The following MYO9B variants were observed in gnomAD, a reference collection of about 807,000 sequenced individuals.
MYO9B encodes unconventional myosin-IXb.
Under a neutral mutation model 229.5 loss-of-function variants are expected in MYO9B, and 71 were observed. The ratio of observed to expected loss-of-function variants is 0.31; its 90% CI spans 0.26 to 0.38. The LOEUF is 0.38. MYO9B is among the 10% of genes least tolerant of loss of function. The probability of loss-of-function intolerance (pLI) is 1.00; values close to 1 mark genes in which losing one functional copy is unlikely to be tolerated. For missense variants in MYO9B, 2,255 were observed against 2,920.5 expected, an observed-to-expected ratio of 0.77 and a Z score of 5.25; for synonymous variants, 1,185 against 1,235.8, an observed-to-expected ratio of 0.96 and a Z score of 0.86.
At chr19:17,088,953 C>T (rs1283699015) in intron 1 of MYO9B, among the ~76,000 whole-genome samples, 1 of 152,100 alleles carries the variant, frequency 6.6e-6, no homozygotes, top group Non-Finnish European at 1.5e-5. Context: ...GCTAGGATTA[C>T]AGGAATAAGC....
rs770530355 is a variant in MYO9B, at chr19:17,101,771, C to T, written c.54C>T (p.His18=). The T allele has an allele frequency of 1.2e-6, 2 of 1,601,054 alleles. No homozygotes were observed. The highest frequency in any genetic ancestry group is 8.5e-7 in the Non-Finnish European group (1 of 1,177,726). The change falls in exon 2 of 40, where the codon CAC becomes CAT. Residue 18 remains histidine, a synonymous_variant. Coordinates refer to ENST00000682292, the MANE Select transcript of MYO9B (RefSeq NM_004145.4). This position sits in a 1 kb window ranked among gnomAD's most constrained non-coding sequence, Gnocchi z 4.7. ...SSGRREQAAY[H]LHIYPQLSTT... ...GCCGCCGGGAGCAGGCGGCCTACCA[C>T]CTGCACATCTACCCCCAGCTGTCCA...
chr19:17,176,178 C>T (rs893285435), intron 14 of MYO9B, among the ~76,000 whole-genome samples: 6 of 152,088 alleles, frequency 3.9e-5, no homozygotes, highest in Non-Finnish European at 8.8e-5. Flanking sequence ...TACAGGCACC[C>T]GCCACCACAC....
intron 16 of MYO9B, chr19:17,184,534 T>C (rs1438756147): frequency 7.8e-6 from 2 of 256,006 alleles, no homozygotes; most frequent in Non-Finnish European, 1.5e-5. Flanking sequence ...TAATGTAAAC[T>C]GTAGGAGCTA....
chr19:17,194,638 G>A lies in MYO9B; in HGVS notation c.3211G>A (p.Glu1071Lys), dbSNP rs759008663. The A allele has an allele frequency of 5.0e-6, 8 of 1,612,802 alleles. No homozygotes were observed. In the South Asian group the frequency reaches 7.7e-5, roughly 15 times the overall value. The change falls in exon 22 of 40, where the codon GAG (glutamate) becomes AAG (lysine). Residue 1071 changes from glutamate to lysine, a missense_variant. Coordinates refer to ENST00000682292, the MANE Select transcript of MYO9B (RefSeq NM_004145.4). ...GGAAGCCGCAAGAGCAGGTGCTGAGGAGGGCGGACAGGGTCAGGCGGCTGG... is the reference window on the plus strand; with the variant it reads ...GGAAGCCGCAAGAGCAGGTGCTGAGAAGGGCGGACAGGGTCAGGCGGCTGG... ...ALEAARAGAE[E>K]GGQGQAAGGQ...
At chr19:17,181,245 T>C (rs2072857372) in intron 15 of MYO9B, among the ~76,000 whole-genome samples, 1 of 152,218 alleles carries the variant, frequency 6.6e-6, no homozygotes, top group African/African-American at 2.4e-5. Context: ...CACAGCCGGC[T>C]TCCCAGCACA....
chr19:17,202,040 G>A lies in MYO9B; in HGVS notation c.4662+16G>A, dbSNP rs1175438788. 2 of 1,611,480 alleles carry A rather than the reference G, an allele frequency of 1.2e-6. No individual in the cohort carries two copies. The highest frequency in any genetic ancestry group is 2.2e-5 in the South Asian group (2 of 90,726). Reference sequence around the variant, plus strand: ...CTCTGTCCCGGTATGTGGCGGCCCGGCCTTCAGCCTTTCCCATACCCTGCT... The same window carrying A: ...CTCTGTCCCGGTATGTGGCGGCCCGACCTTCAGCCTTTCCCATACCCTGCT... On this transcript the variant is annotated intron_variant, in intron 27 of 39. Transcript: ENST00000682292.
chr19:17,107,980 C>T (rs1599330018), intron 2 of MYO9B, among the ~76,000 whole-genome samples: 1 of 152,334 alleles, frequency 6.6e-6, no homozygotes, highest in East Asian at 1.9e-4. Context: ...CTACCTGGCC[C>T]CTGGCAAGTC....
chr19:17,101,776 A>T lies in MYO9B; in HGVS notation c.59A>T (p.His20Leu). Reference protein sequence around the residue: ...GRREQAAYHLHIYPQLSTTES... With the variant: ...GRREQAAYHLLIYPQLSTTES... ...CGGGAGCAGGCGGCCTACCACCTGC[A>T]CATCTACCCCCAGCTGTCCACCACC... Residue 20 changes from histidine (H) to leucine (L), a missense_variant, in exon 2 of 40, where the codon CAC becomes CTC. Physicochemically the swap from His to Leu is moderately conservative, Grantham distance 99. Transcript: ENST00000682292. The surrounding 1 kb of genome is among the most constrained non-coding windows in gnomAD (Gnocchi z 4.7). The T allele has an allele frequency of 1.2e-6, 2 of 1,602,130 alleles. No homozygotes were observed. The highest frequency in any genetic ancestry group is 8.5e-7 in the Non-Finnish European group (1 of 1,178,062).
At chr19:17,118,036 A>T (rs2057923614) in intron 2 of MYO9B, among the ~76,000 whole-genome samples, 1 of 151,326 alleles carries the variant, frequency 6.6e-6, no homozygotes, top group South Asian at 2.1e-4. Flanking sequence ...CCATCGGTTG[A>T]TGTTTGGCAA....
chr19:17,118,253 C>G (rs1599341040), intron 2 of MYO9B, among the ~76,000 whole-genome samples: 2 of 151,854 alleles, frequency 1.3e-5, no homozygotes, highest in African/African-American at 4.8e-5. Flanking sequence ...AATTGAAAAT[C>G]TGGTCTGGCG....
intron 14 of MYO9B, among the ~76,000 whole-genome samples, chr19:17,176,628 C>T (rs1405986023): frequency 6.6e-6 from 1 of 152,120 alleles, no homozygotes; most frequent in African/African-American, 2.4e-5. Flanking sequence ...GGAGGAGGCT[C>T]AGTTTACAAA....
At chr19:17,141,169 C>T (rs1377047498) in intron 2 of MYO9B, among the ~76,000 whole-genome samples, 1 of 151,992 alleles carries the variant, frequency 6.6e-6, no homozygotes, top group Non-Finnish European at 1.5e-5. Context: ...GTATCCATCC[C>T]CCTGTGGAAT....
At chr19:17,105,572 A>G (rs902478223) in intron 2 of MYO9B, among the ~76,000 whole-genome samples, 5 of 152,120 alleles carry the variant, frequency 3.3e-5, no homozygotes, top group Non-Finnish European at 7.4e-5. Context: ...ATTGTAGCTC[A>G]TTATATGAAT....
intron 1 of MYO9B, among the ~76,000 whole-genome samples, chr19:17,100,525 A>G (rs1032224217): frequency 2.0e-5 from 3 of 152,188 alleles, no homozygotes; most frequent in South Asian, 2.1e-4. Context: ...ACTGCTACTT[A>G]CCACCTTCCT....
intron 2 of MYO9B, among the ~76,000 whole-genome samples, chr19:17,130,479 G>A (rs568168439): frequency 6.6e-6 from 1 of 152,272 alleles, no homozygotes; most frequent in East Asian, 1.9e-4. Context: ...AATTAGCCGG[G>A]CGTGGTGGTG....
Position 17,193,162 on chromosome 19 carries a change from AGG to A in MYO9B, c.3128+103_3128+104del, listed in dbSNP as rs1176027318. ...ATATACCATCTGGCCTGTGGCACTA[AGG>A]GGATGTCATTCTGGACACAGGGAAA... On this transcript the variant is annotated intron_variant, in intron 21 of 39. Transcript: ENST00000682292. This position sits in a 1 kb window ranked among gnomAD's most constrained non-coding sequence, Gnocchi z 4.3. 2.4e-6 allele frequency: 3 copies of A among 1,270,122 alleles called. No individual in the cohort carries two copies. Among genetic ancestry groups the A allele is most frequent in the South Asian group, 3.5e-5 (2 of 57,840 alleles). The allele number at this position is 1,270,122 out of a possible 1,614,324, so 78.7% of individuals were successfully genotyped here. A position where few individuals can be genotyped will look rare whatever the true frequency, so the allele number is the denominator to read the frequency against.
At chr19:17,189,303 G>A (rs929614276) in intron 19 of MYO9B, among the ~76,000 whole-genome samples, 1 of 151,920 alleles carries the variant, frequency 6.6e-6, no homozygotes, top group Non-Finnish European at 1.5e-5. Context: ...TTCCAGCCTG[G>A]ATGGCAGAGC....
intron 1 of MYO9B, among the ~76,000 whole-genome samples, chr19:17,081,102 A>G (rs1397934575): frequency 2.6e-5 from 4 of 152,058 alleles, no homozygotes; most frequent in Non-Finnish European, 5.9e-5. Context: ...ATCTCAGCTC[A>G]CTGCAACCTC....
chr19:17,173,509 G>A (rs2072748968), intron 13 of MYO9B, among the ~76,000 whole-genome samples: 2 of 151,982 alleles, frequency 1.3e-5, no homozygotes, highest in South Asian at 2.1e-4. Flanking sequence ...TCGCCCTGTT[G>A]GCCAGGCTGG....
Sources: gnomAD v4.1 joint callset for allele counts (sites outside exome capture counted in the v4.1 genomes callset) on GRCh38, gnomAD v4.1.1 for gene constraint, Gnocchi (gnomAD v3.1) non-coding constraint, MANE v1.5 for transcripts, NCBI Gene and HGNC (gene_info 2026-07-23, HGNC 2026-07-21) for gene names.